The following MAGI2 variants were observed in gnomAD, a reference collection of about 807,000 sequenced individuals.
MAGI2 encodes the protein membrane-associated guanylate kinase, WW and PDZ domain-containing protein 2.
A neutral mutation model predicts 133.3 loss-of-function variants in MAGI2; 35 were observed. The observed-to-expected ratio is 0.26, with a 90% CI of 0.20 to 0.35. The LOEUF (loss-of-function observed/expected upper bound fraction) is 0.35, where lower values mean the gene tolerates loss of function less well. MAGI2 is among the 10% of genes least tolerant of loss of function. The pLI is 1.00. For synonymous variants in MAGI2, 729 were observed against 710.6 expected (o/e 1.03, Z -0.41); for missense variants, 1,636 against 1,863.4 (o/e 0.88, Z 2.25).
At chr7:78,693,954 A>G (rs962849238) in intron 2 of MAGI2, among the ~76,000 whole-genome samples, 5 of 152,170 alleles carry the variant, frequency 3.3e-5, no homozygotes, top group African/African-American at 7.2e-5. Context: ...CAAAGCTGCC[A>G]TAGTTCCAAG....
In MAGI2 at chr7:78,341,674, A is replaced by T. The variant is rs1237136422; in HGVS notation, c.1408+2104T>A. On this transcript the variant is annotated intron_variant, in intron 9 of 21. Coordinates refer to ENST00000354212, the MANE Select transcript of MAGI2 (RefSeq NM_012301.4). ...AACACCATACATCTACAAACATCTG[A>T]TCTTTGACAAACCTGAAGAAAACAA... Among the ~76,000 whole-genome samples, 2 of 152,212 alleles carry T rather than the reference A, an allele frequency of 1.3e-5. 1 individual carries two copies. Among genetic ancestry groups the T allele is most frequent in the Admixed American group, 1.3e-4 (2 of 15,282 alleles).
At chr7:79,409,811 A>G (rs935793612) in intron 1 of MAGI2, among the ~76,000 whole-genome samples, 1 of 152,124 alleles carries the variant, frequency 6.6e-6, no homozygotes, top group Admixed American at 6.6e-5. Flanking sequence ...TCACTTGCCT[A>G]TATGTCCTAG....
intron 1 of MAGI2, among the ~76,000 whole-genome samples, chr7:79,331,107 C>G (rs1294503341): frequency 3.3e-5 from 5 of 152,044 alleles, no homozygotes; most frequent in African/African-American, 1.2e-4. Flanking sequence ...GATGTGAGTG[C>G]GTACTTGAAT....
intron 2 of MAGI2, among the ~76,000 whole-genome samples, chr7:78,892,661 A>G (rs1017480113): frequency 2.6e-5 from 4 of 152,230 alleles, no homozygotes; most frequent in African/African-American, 9.6e-5. Context: ...GGTGCTGGGA[A>G]AACTGGCTAG....
chr7:78,889,956 G>T (rs544522394), intron 2 of MAGI2, among the ~76,000 whole-genome samples: 34 of 152,192 alleles, frequency 2.2e-4, no homozygotes, highest in African/African-American at 8.2e-4. Context: ...GAGTCAAGAC[G>T]CATCAGTGTG....
intron 1 of MAGI2, among the ~76,000 whole-genome samples, chr7:79,219,887 T>A (rs1830307310): frequency 6.6e-6 from 1 of 152,086 alleles, no homozygotes; most frequent in African/African-American, 2.4e-5. Flanking sequence ...ATATTTTTAA[T>A]TTCTCTGCTT....
At chr7:78,518,359 T>C (rs2150576671) in intron 4 of MAGI2, 1 of 152,262 alleles carries the variant, frequency 6.6e-6, no homozygotes, top group South Asian at 2.1e-4. Context: ...GCCACACATA[T>C]GGATTGTGGA....
intron 1 of MAGI2, among the ~76,000 whole-genome samples, chr7:79,434,743 A>G (rs1158795416): frequency 1.3e-5 from 2 of 152,160 alleles, no homozygotes; most frequent in East Asian, 1.9e-4. Flanking sequence ...GCGACGGTCA[A>G]TCTTATGTAT....
In MAGI2 at chr7:78,993,342, G is replaced by C. The variant is rs1584608338; in HGVS notation, c.418+13748C>G. Among the ~76,000 whole-genome samples the C allele has an allele frequency of 2.0e-5, 3 of 151,956 alleles. No homozygotes were observed. The South Asian group carries it at 6.2e-4, about 32-fold the overall frequency. On this transcript the variant is annotated intron_variant, in intron 2 of 21. Transcript: ENST00000354212. ...GTTAGTCTTTGACAACATAAAACAA[G>C]GCATTTAAAACTTAGAGCAGTCTTT...
At chr7:79,435,603 A>G (rs1407102602) in intron 1 of MAGI2, among the ~76,000 whole-genome samples, 1 of 122,928 alleles carries the variant, frequency 8.1e-6, no homozygotes, top group Non-Finnish European at 1.7e-5. Context: ...TGGGACTTTG[A>G]ACTGAGAAGG....
intron 1 of MAGI2, among the ~76,000 whole-genome samples, chr7:79,222,972 C>T (rs1416974704): frequency 2.6e-5 from 4 of 152,006 alleles, no homozygotes; most frequent in Non-Finnish European, 4.4e-5. Flanking sequence ...GCAAGCTCCG[C>T]CTCCCGGGTT....
At chr7:79,120,122 G>A (rs1819758766) in intron 1 of MAGI2, among the ~76,000 whole-genome samples, 1 of 152,042 alleles carries the variant, frequency 6.6e-6, no homozygotes, top group East Asian at 1.9e-4. Context: ...AACACTTTAG[G>A]AACATCTGGA....
At chr7:78,703,008 G>A (rs1048820890) in intron 2 of MAGI2, among the ~76,000 whole-genome samples, 5 of 152,008 alleles carry the variant, frequency 3.3e-5, no homozygotes, top group African/African-American at 1.2e-4. Flanking sequence ...GAGGAATAAT[G>A]TTGGAAGATT....
chr7:78,577,179 A>G (rs1232501728), intron 3 of MAGI2, among the ~76,000 whole-genome samples: 2 of 152,218 alleles, frequency 1.3e-5, no homozygotes, highest in Admixed American at 6.5e-5. Flanking sequence ...TAATAAATAT[A>G]CAGGCAAAAC....
chr7:78,605,315 T>C (rs1323128486), intron 3 of MAGI2, among the ~76,000 whole-genome samples: 1 of 152,198 alleles, frequency 6.6e-6, no homozygotes, highest in Non-Finnish European at 1.5e-5. Flanking sequence ...GAGGGATGTG[T>C]CAAGAGTGAC....
intron 2 of MAGI2, among the ~76,000 whole-genome samples, chr7:78,640,950 G>C (rs1357391699): frequency 6.6e-6 from 1 of 152,192 alleles, no homozygotes; most frequent in African/African-American, 2.4e-5. Flanking sequence ...GGAGGGAACA[G>C]GTGGAGATAA....
chr7:78,405,539 A>G (rs1583933295), intron 6 of MAGI2, among the ~76,000 whole-genome samples: 1 of 152,134 alleles, frequency 6.6e-6, no homozygotes, highest in African/African-American at 2.4e-5. Context: ...CAGCTTGTAT[A>G]CTACATGTGT....
At chr7:78,733,997 A>G (rs1283406142) in intron 2 of MAGI2, among the ~76,000 whole-genome samples, 3 of 152,234 alleles carry the variant, frequency 2.0e-5, no homozygotes, top group African/African-American at 4.8e-5. Context: ...GTCTCAGTAA[A>G]TGTAAAATGC....
chr7:78,855,047 C>T lies in MAGI2; in HGVS notation c.418+152043G>A, dbSNP rs780061102. 2.0e-5 allele frequency among the ~76,000 whole-genome samples: 3 copies of T among 151,742 alleles called. 1 individual carries two copies. The highest frequency in any genetic ancestry group is 4.2e-4 in the South Asian group (2 of 4,796). On this transcript the variant is annotated intron_variant, in intron 2 of 21. Transcript: ENST00000354212. ...TTTCTGTTTTTTTTTTGTAGAGATG[C>T]GGTTTCGCCATGTTGCCAGGCTGAA...
Sources: gnomAD v4.1 joint callset for allele counts (sites outside exome capture counted in the v4.1 genomes callset) on GRCh38, gnomAD v4.1.1 for gene constraint, MANE v1.5 for transcripts, NCBI Gene and HGNC (gene_info 2026-07-23, HGNC 2026-07-21) for gene names.